The following USP34 variants were observed in gnomAD, a reference collection of about 807,000 sequenced individuals.
The protein encoded by USP34 is ubiquitin specific peptidase 34.
In USP34, 70 loss-of-function variants were observed where a neutral mutation model predicts 460.3. The ratio of observed to expected loss-of-function variants is 0.15; its 90% CI spans 0.13 to 0.19. USP34 has a LOEUF of 0.19. Among genes scored for constraint, USP34 ranks in the 10% least tolerant of loss-of-function variants. The probability of loss-of-function intolerance (pLI) is 1.00; values close to 1 mark genes in which losing one functional copy is unlikely to be tolerated. For synonymous variants in USP34, 1,647 were observed against 1,405.3 expected, an observed-to-expected ratio of 1.17 and a Z score of -3.85; for missense variants, 3,985 against 4,236.2, an observed-to-expected ratio of 0.94 and a Z score of 1.65.
intron 1 of USP34, among the ~76,000 whole-genome samples, chr2:61,460,994 GA>G (rs1005094361): frequency 1.3e-4 from 18 of 135,682 alleles, no homozygotes; most frequent in Non-Finnish European, 2.6e-4. Context: ...AAAAAAAAAA[GA>G]AAAAAAAAAC....
At chr2:61,255,680 T>C (rs769013525) in intron 48 of USP34, among the ~76,000 whole-genome samples, 1 of 152,232 alleles carries the variant, frequency 6.6e-6, no homozygotes, top group Non-Finnish European at 1.5e-5. Flanking sequence ...ATTCCAAAAA[T>C]AAACAATTCA....
chr2:61,354,852 G>A (rs1692057643), intron 10 of USP34, among the ~76,000 whole-genome samples: 1 of 152,150 alleles, frequency 6.6e-6, no homozygotes. Context: ...TCAGGTAGTT[G>A]CCAGAATGCT....
chr2:61,328,973 T>C (rs1691178810), intron 20 of USP34, among the ~76,000 whole-genome samples: 1 of 152,144 alleles, frequency 6.6e-6, no homozygotes, highest in Non-Finnish European at 1.5e-5. Flanking sequence ...CTAATAAAAA[T>C]GTGGGCCATG....
chr2:61,189,156 C>T (rs550350694), intron 78 of USP34, 87 bp from the exon 79 acceptor site: 1 of 1,382,572 alleles, frequency 7.2e-7, no homozygotes, highest in South Asian at 1.5e-5. Context: ...TGTTTATTTT[C>T]CCAGGAATCC....
At chr2:61,326,480 G>T (rs889005505) in intron 20 of USP34, among the ~76,000 whole-genome samples, 4 of 152,084 alleles carry the variant, frequency 2.6e-5, no homozygotes, top group Non-Finnish European at 5.9e-5. Flanking sequence ...TGCCTGCCTT[G>T]GCCTAGCAAA....
chr2:61,328,603 C>A (rs761445873), intron 20 of USP34, among the ~76,000 whole-genome samples: 19 of 152,166 alleles, frequency 1.2e-4, no homozygotes, highest in Non-Finnish European at 2.6e-4. Context: ...TGGCAGCCAA[C>A]AAGGCAGATT....
At chr2:61,355,325 A>G (rs929052909) in intron 10 of USP34, among the ~76,000 whole-genome samples, 2 of 152,234 alleles carry the variant, frequency 1.3e-5, no homozygotes, top group African/African-American at 4.8e-5. Context: ...TACAGATAAT[A>G]CTGAAATTTC....
chr2:61,465,774 G>A (rs1375512235), intron 1 of USP34, among the ~76,000 whole-genome samples: 12 of 151,906 alleles, frequency 7.9e-5, no homozygotes, highest in African/African-American at 7.2e-5. Context: ...TCAAGAGATC[G>A]AGACCATCCT....
chr2:61,248,139 C>T (rs757725262), intron 49 of USP34, among the ~76,000 whole-genome samples: 1 of 147,016 alleles, frequency 6.8e-6, no homozygotes, highest in Admixed American at 6.8e-5. Flanking sequence ...AAGATCATGC[C>T]ACTGCATTCC....
At chr2:61,236,929 T>A (rs1050040640) in intron 53 of USP34, among the ~76,000 whole-genome samples, 7 of 152,248 alleles carry the variant, frequency 4.6e-5, no homozygotes, top group Non-Finnish European at 1.0e-4. Context: ...ACCTAGATGT[T>A]CTGACTATTG....
chr2:61,466,317 T>C (rs897081380), intron 1 of USP34, among the ~76,000 whole-genome samples: 6 of 151,724 alleles, frequency 4.0e-5, no homozygotes, highest in Admixed American at 1.3e-4. Context: ...CCCAGCTACT[T>C]GGGAGGATGT....
At chr2:61,470,323 G>A (rs1316850833) in intron 1 of USP34, among the ~76,000 whole-genome samples, 1 of 152,120 alleles carries the variant, frequency 6.6e-6, no homozygotes. Context: ...CCGGCAGGGC[G>A]AAGGAGGCGA....
intron 69 of USP34, among the ~76,000 whole-genome samples, chr2:61,210,814 G>A (rs985941862): frequency 6.6e-6 from 1 of 152,144 alleles, no homozygotes; most frequent in East Asian, 1.9e-4. Flanking sequence ...TGGGCTCAAG[G>A]ATCTTCCCAC....
intron 20 of USP34, among the ~76,000 whole-genome samples, chr2:61,327,877 A>T (rs1418866757): frequency 6.6e-6 from 1 of 152,182 alleles, no homozygotes; most frequent in Non-Finnish European, 1.5e-5. Flanking sequence ...CAGGACAAAA[A>T]CAGTCTCCCC....
At chr2:61,335,758 A>G (rs546096288) in intron 18 of USP34, among the ~76,000 whole-genome samples, 8 of 152,200 alleles carry the variant, frequency 5.3e-5, no homozygotes, top group African/African-American at 1.9e-4. Context: ...AAGAGAAGAT[A>G]AAGGTTCAAT....
At chr2:61,257,899 A>G (rs1420907873) in intron 44 of USP34, among the ~76,000 whole-genome samples, 1 of 152,200 alleles carries the variant, frequency 6.6e-6, no homozygotes, top group Non-Finnish European at 1.5e-5. Context: ...AACAAACAAA[A>G]AAAACACTCA....
At chr2:61,460,269 C>T (rs965253002) in intron 1 of USP34, among the ~76,000 whole-genome samples, 1 of 152,048 alleles carries the variant, frequency 6.6e-6, no homozygotes, top group Non-Finnish European at 1.5e-5. Flanking sequence ...ATTGCCATTC[C>T]GAGTGGCATG....
At chr2:61,218,977 T>C (rs1687480979) in intron 67 of USP34, among the ~76,000 whole-genome samples, 1 of 152,204 alleles carries the variant, frequency 6.6e-6, no homozygotes, top group Non-Finnish European at 1.5e-5. Context: ...ACTAAGCTCA[T>C]ACTCAATGAG....
At chr2:61,350,103 C>T (rs979879955) in intron 12 of USP34, among the ~76,000 whole-genome samples, 157 bp downstream of exon 12, 11 of 152,092 alleles carry the variant, frequency 7.2e-5, no homozygotes, top group Admixed American at 5.9e-4. Flanking sequence ...AACCAAAACA[C>T]GAACTAATCA....
Sources: allele counts gnomAD v4.1 joint callset (sites outside exome capture counted in the v4.1 genomes callset), GRCh38; gene constraint gnomAD v4.1.1; transcripts MANE v1.5; gene names NCBI Gene and HGNC (gene_info 2026-07-23, HGNC 2026-07-21).